Variants in PRIM2 observed in about 807,000 individuals in gnomAD.
The protein encoded by PRIM2 is DNA primase large subunit.
In PRIM2, 39 loss-of-function variants were observed where a neutral mutation model predicts 67.3. The ratio of observed to expected loss-of-function variants is 0.58; its 90% CI spans 0.45 to 0.76. PRIM2 has a LOEUF of 0.76. Ranked by LOEUF, PRIM2 falls within the 30% of genes least tolerant of loss-of-function variation. The probability of loss-of-function intolerance (pLI) is 0.00; values close to 1 mark genes in which losing one functional copy is unlikely to be tolerated. For synonymous variants in PRIM2, 143 were observed against 198.7 expected (o/e 0.72, Z 2.36); for missense variants, 398 against 598.7 (o/e 0.66, Z 3.50).
chr6:57,566,542 G>T (rs1425773332), intron 10 of PRIM2, among the ~76,000 whole-genome samples: 1 of 152,094 alleles, frequency 6.6e-6, no homozygotes, highest in Non-Finnish European at 1.5e-5. Context: ...GTCTCAAAAA[G>T]GTTAAATGAA....
At chr6:57,486,662 G>C in intron 7 of PRIM2, among the ~76,000 whole-genome samples, 2 of 152,344 alleles carry the variant, frequency 1.3e-5, no homozygotes, top group Admixed American at 1.3e-4. Context: ...TCCCCCAACA[G>C]TTGTATTATC....
At chr6:57,529,440 C>T (rs1350743292) in intron 8 of PRIM2, among the ~76,000 whole-genome samples, 1 of 152,126 alleles carries the variant, frequency 6.6e-6, no homozygotes, top group African/African-American at 2.4e-5. Context: ...ATTTTTATTC[C>T]TGAGATTTCA....
At chr6:57,416,796 C>G (rs1329352700) in intron 7 of PRIM2, among the ~76,000 whole-genome samples, 2 of 152,104 alleles carry the variant, frequency 1.3e-5, no homozygotes, top group Non-Finnish European at 2.9e-5. Flanking sequence ...CTCTGCTAGC[C>G]TCCAACTTTT....
intron 7 of PRIM2, among the ~76,000 whole-genome samples, chr6:57,464,276 T>C (rs1773110720): frequency 6.6e-6 from 1 of 152,044 alleles, no homozygotes; most frequent in African/African-American, 2.4e-5. Context: ...TATTTCTTTT[T>C]TTCCTTTTCT....
intron 5 of PRIM2, among the ~76,000 whole-genome samples, chr6:57,369,686 A>G (rs920598164): frequency 7.9e-5 from 12 of 152,288 alleles, no homozygotes; most frequent in African/African-American, 2.6e-4. Context: ...TCTTTTTAGG[A>G]GGATGTTTAC....
chr6:57,340,275 A>C (rs1727347174), intron 5 of PRIM2, among the ~76,000 whole-genome samples: 1 of 152,224 alleles, frequency 6.6e-6, no homozygotes, highest in Admixed American at 6.5e-5. Flanking sequence ...AAACTAGTTC[A>C]ACCATTGTGG....
At chr6:57,633,341 C>A (rs1777065614) in intron 13 of PRIM2, among the ~76,000 whole-genome samples, 1 of 152,070 alleles carries the variant, frequency 6.6e-6, no homozygotes, top group Non-Finnish European at 1.5e-5. Context: ...TTTCCAGAGT[C>A]CATGTTATTT....
At chr6:57,642,474 G>C (rs1432207510) in intron 13 of PRIM2, among the ~76,000 whole-genome samples, 1 of 96,266 alleles carries the variant, frequency 1.0e-5, no homozygotes, top group African/African-American at 4.2e-5. Flanking sequence ...ACGGAGTTTC[G>C]CTCTGTCGCC....
chr6:57,639,878 A>G (rs1203935076), intron 13 of PRIM2, among the ~76,000 whole-genome samples: 40 of 151,978 alleles, frequency 2.6e-4, no homozygotes, highest in Non-Finnish European at 5.1e-4. Context: ...TCTCTAACTC[A>G]TTTTATGAGG....
chr6:57,268,231 C>T, the PRIM2 span, among the ~76,000 whole-genome samples: 1 of 152,158 alleles, frequency 6.6e-6, no homozygotes, highest in Non-Finnish European at 1.5e-5. Context: ...ATTTTGTTCC[C>T]TTCAAGTCAG....
At chr6:57,296,214 C>G in the PRIM2 span, among the ~76,000 whole-genome samples, 1 of 151,972 alleles carries the variant, frequency 6.6e-6, no homozygotes, top group Non-Finnish European at 1.5e-5. Context: ...AAGCTGTGCA[C>G]AAATAGAAAT....
At chr6:57,310,874 A>C (rs532112746), upstream of PRIM2, among the ~76,000 whole-genome samples, 3 of 146,230 alleles carry the variant, frequency 2.1e-5, no homozygotes, top group East Asian at 6.2e-4. Context: ...AGCTGGGCAG[A>C]GGCGCTCCTC....
the PRIM2 span, among the ~76,000 whole-genome samples, chr6:57,241,647 A>G: frequency 1.4e-3 from 211 of 151,742 alleles, no homozygotes; most frequent in Non-Finnish European, 2.6e-3. Context: ...GTATGGAATT[A>G]CTAGATTACT....
At chr6:57,371,006 T>C (rs536203603) in intron 5 of PRIM2, among the ~76,000 whole-genome samples, 1 of 152,240 alleles carries the variant, frequency 6.6e-6, no homozygotes, top group East Asian at 1.9e-4. Context: ...CCCAGAATTT[T>C]ATCTATAACT....
intron 11 of PRIM2, among the ~76,000 whole-genome samples, chr6:57,602,813 A>G (rs1381597331): frequency 8.4e-4 from 128 of 152,336 alleles, no homozygotes; most frequent in African/African-American, 2.8e-3. Context: ...TATCTGTTGG[A>G]AACATTTACT....
At chr6:57,332,266 A>G (rs2127282275) in intron 5 of PRIM2, among the ~76,000 whole-genome samples, 1 of 152,152 alleles carries the variant, frequency 6.6e-6, no homozygotes, top group Admixed American at 6.5e-5. Flanking sequence ...AAATTTATTG[A>G]ATTTTATTTT....
At chr6:57,230,483 T>A in the PRIM2 span, among the ~76,000 whole-genome samples, 1 of 152,240 alleles carries the variant, frequency 6.6e-6, no homozygotes, top group South Asian at 2.1e-4. Context: ...TTAGTGTATA[T>A]GTTTATCTAC....
At chr6:57,433,345 C>T (rs59073763) in intron 7 of PRIM2, among the ~76,000 whole-genome samples, 4,780 of 151,340 alleles carry the variant, frequency 0.032, 250 homozygotes, top group African/African-American at 0.11. Context: ...CCCATTAACG[C>T]GTCATTTAGT....
At chr6:57,530,475 T>A in intron 8 of PRIM2, among the ~76,000 whole-genome samples, 1 of 152,352 alleles carries the variant, frequency 6.6e-6, no homozygotes, top group African/African-American at 2.4e-5. Context: ...GTGGGCAGGA[T>A]GACTTTTGTC....
Sources: gnomAD v4.1 joint callset for allele counts (sites outside exome capture counted in the v4.1 genomes callset) on GRCh38, gnomAD v4.1.1 for gene constraint, MANE v1.5 for transcripts, NCBI Gene and HGNC (gene_info 2026-07-23, HGNC 2026-07-21) for gene names.